CPQ: variants seen among roughly 807,000 people sequenced by gnomAD.
CPQ encodes Ser-Met dipeptidase.
Under a neutral mutation model 45.7 loss-of-function variants are expected in CPQ, and 37 were observed. The ratio of observed to expected loss-of-function variants is 0.81; its 90% confidence interval spans 0.62 to 1.07. CPQ has a LOEUF of 1.07. Ranked by LOEUF, CPQ falls within the 50% of genes least tolerant of loss-of-function variation. The pLI, the probability that CPQ is intolerant of heterozygous loss-of-function variation, is 0.00. For synonymous variants in CPQ, 186 were observed against 205.8 expected (o/e 0.90, Z 0.82); for missense variants, 537 against 572.9 (o/e 0.94, Z 0.64).
chr8:96,958,862 T>C (rs1022016913), intron 4 of CPQ, among the ~76,000 whole-genome samples: 1 of 151,732 alleles, frequency 6.6e-6, no homozygotes, highest in Admixed American at 6.6e-5. Context: ...TGGCCCATTT[T>C]TGTGGGAAAG....
intron 1 of CPQ, 136 bp from the exon 2 acceptor site, chr8:96,784,728 G>A (rs1382877793): frequency 1.6e-6 from 1 of 627,240 alleles, no homozygotes; most frequent in South Asian, 2.0e-5. Context: ...GAGTAACAGT[G>A]CCTGAATTTG....
chr8:96,701,041 G>A (rs2130745612), intron 1 of CPQ, among the ~76,000 whole-genome samples: 1 of 152,166 alleles, frequency 6.6e-6, no homozygotes, highest in East Asian at 1.9e-4. Flanking sequence ...TAGGACAGCT[G>A]TCAGCAGGGA....
intron 1 of CPQ, among the ~76,000 whole-genome samples, chr8:96,694,227 C>A (rs1349440515): frequency 6.6e-6 from 1 of 151,580 alleles, no homozygotes; most frequent in African/African-American, 2.4e-5. Flanking sequence ...ACAAAACAAC[C>A]AGAAAACAAA....
chr8:96,788,043 G>A (rs1318644069), intron 2 of CPQ, among the ~76,000 whole-genome samples: 2 of 150,746 alleles, frequency 1.3e-5, no homozygotes, highest in Non-Finnish European at 3.0e-5. Context: ...TCTTAGTTGA[G>A]GGGTTTGTTT....
intron 4 of CPQ, among the ~76,000 whole-genome samples, chr8:96,930,907 G>A (rs1394905007): frequency 6.6e-6 from 1 of 152,194 alleles, no homozygotes; most frequent in African/African-American, 2.4e-5. Flanking sequence ...AGACATCAGT[G>A]TGCTAAATCT....
At chr8:97,039,949 G>A (rs1287393901) in intron 6 of CPQ, among the ~76,000 whole-genome samples, 3 of 152,042 alleles carry the variant, frequency 2.0e-5, no homozygotes, top group Non-Finnish European at 2.9e-5. Context: ...ACATACATGT[G>A]CATGTGTCTT....
chr8:97,030,920 G>A (rs1374762787), intron 6 of CPQ, among the ~76,000 whole-genome samples: 1 of 152,140 alleles, frequency 6.6e-6, no homozygotes, highest in Non-Finnish European at 1.5e-5. Context: ...ACCTGTGTGT[G>A]CAAAGGCAGG....
chr8:97,042,735 C>T (rs12549249), intron 6 of CPQ, among the ~76,000 whole-genome samples: 12,852 of 151,126 alleles, frequency 0.085, 1,065 homozygotes, highest in African/African-American at 0.22. Context: ...GCCTTCATTT[C>T]GTTATGTACC....
At chr8:96,966,934 C>T (rs1777268116) in intron 5 of CPQ, among the ~76,000 whole-genome samples, 1 of 152,176 alleles carries the variant, frequency 6.6e-6, no homozygotes, top group Non-Finnish European at 1.5e-5. Context: ...GGGTAACCTT[C>T]ACACATACAT....
chr8:96,916,860 T>C (rs1186634623), intron 4 of CPQ, among the ~76,000 whole-genome samples: 2 of 152,134 alleles, frequency 1.3e-5, no homozygotes, highest in Non-Finnish European at 2.9e-5. Flanking sequence ...ATTTGTCATA[T>C]GTTTTTCAAA....
At chr8:96,808,564 G>C (rs1811115642) in intron 2 of CPQ, among the ~76,000 whole-genome samples, 1 of 152,106 alleles carries the variant, frequency 6.6e-6, no homozygotes, top group East Asian at 1.9e-4. Context: ...GGAACACCAG[G>C]GGATAAAACC....
intron 2 of CPQ, among the ~76,000 whole-genome samples, chr8:96,788,270 T>C (rs1810800894): frequency 6.6e-6 from 1 of 152,006 alleles, no homozygotes; most frequent in Non-Finnish European, 1.5e-5. Context: ...GTGATTCTCC[T>C]GCCTCAGCCT....
At chr8:97,040,265 T>G (rs1173240353) in intron 6 of CPQ, among the ~76,000 whole-genome samples, 1 of 152,232 alleles carries the variant, frequency 6.6e-6, no homozygotes, top group African/African-American at 2.4e-5. Flanking sequence ...GTGTCTGTTT[T>G]CTGCATAAAT....
chr8:97,013,312 A>G (rs1809523092), intron 5 of CPQ, among the ~76,000 whole-genome samples: 1 of 152,088 alleles, frequency 6.6e-6, no homozygotes, highest in Non-Finnish European at 1.5e-5. Context: ...TAATAATAAT[A>G]ATATTAATGA....
intron 4 of CPQ, among the ~76,000 whole-genome samples, chr8:96,890,299 A>T (rs1429623798): frequency 6.6e-6 from 1 of 152,262 alleles, no homozygotes; most frequent in African/African-American, 2.4e-5. Context: ...CACAACAATT[A>T]CAGTCCTCTT....
At chr8:96,896,945 A>C (rs1238352370) in intron 4 of CPQ, among the ~76,000 whole-genome samples, 5 of 152,162 alleles carry the variant, frequency 3.3e-5, no homozygotes, top group Admixed American at 3.3e-4. Context: ...AAACACCCTC[A>C]ATGTGGTTTC....
intron 1 of CPQ, among the ~76,000 whole-genome samples, chr8:96,763,274 T>C (rs969006586): frequency 2.0e-5 from 3 of 152,202 alleles, no homozygotes; most frequent in African/African-American, 7.2e-5. Context: ...ACTGAGCTTA[T>C]AATTCATGGA....
At chr8:96,649,994 G>A (rs1258157021) in intron 1 of CPQ, among the ~76,000 whole-genome samples, 1 of 152,238 alleles carries the variant, frequency 6.6e-6, no homozygotes, top group Non-Finnish European at 1.5e-5. Context: ...AATGGCAGGA[G>A]TGTTGCAGAA....
intron 4 of CPQ, among the ~76,000 whole-genome samples, chr8:96,905,153 G>C (rs909391525): frequency 6.6e-6 from 1 of 152,038 alleles, no homozygotes; most frequent in Non-Finnish European, 1.5e-5. Context: ...ATCTTACATG[G>C]TGACAGGAGA....
Sources: allele counts gnomAD v4.1 joint callset (sites outside exome capture counted in the v4.1 genomes callset), GRCh38; gene constraint gnomAD v4.1.1; transcripts MANE v1.5; gene names NCBI Gene and HGNC (gene_info 2026-07-23, HGNC 2026-07-21).